PITPNB: variants seen among roughly 807,000 people sequenced by gnomAD.
The protein encoded by PITPNB is phosphatidylinositol transfer protein beta isoform.
A neutral mutation model predicts 45.9 loss-of-function variants in PITPNB; 16 were observed. That is an observed-to-expected ratio of 0.35 (90% CI 0.24 to 0.53). The LOEUF is 0.53. PITPNB is among the 20% of genes least tolerant of loss of function. PITPNB has a pLI of 0.93. For missense variants in PITPNB, 188 were observed against 330.5 expected (o/e 0.57, Z 3.34); for synonymous variants, 112 against 108.9 (o/e 1.03, Z -0.18).
At chr22:27,903,858 C>T (rs1350379452) in intron 3 of PITPNB, among the ~76,000 whole-genome samples, 5 of 146,230 alleles carry the variant, frequency 3.4e-5, no homozygotes, top group Non-Finnish European at 7.5e-5. Context: ...AGAAGATATA[C>T]AAATGACCAA....
Position 27,873,936 on chromosome 22 carries a change from T to A in PITPNB, c.457-121A>T, listed in dbSNP as rs1203744956. 4.6e-6 allele frequency: 3 copies of A among 659,224 alleles called. No homozygotes were observed. In the African/African-American group the frequency reaches 5.4e-5, roughly 12 times the overall value. 40.8% of individuals were successfully genotyped at this position (659,224 alleles called of 1,614,324 possible). On this transcript the variant is annotated intron_variant, in intron 7 of 11. Coordinates refer to ENST00000335272, the MANE Select transcript of PITPNB (RefSeq NM_012399.5). ...CAGAAATCAATTAGACTCACTGTGC[T>A]TTTGCGTAAAAGTAGAAAAATGCTT...
At chr22:27,915,785 G>A (rs1264392466) in intron 1 of PITPNB, among the ~76,000 whole-genome samples, 1 of 152,162 alleles carries the variant, frequency 6.6e-6, no homozygotes, top group African/African-American at 2.4e-5. Flanking sequence ...CATAAAATGA[G>A]GGAGAGGAAG....
intron 7 of PITPNB, among the ~76,000 whole-genome samples, chr22:27,884,524 G>A (rs1477724245): frequency 1.3e-5 from 2 of 152,142 alleles, no homozygotes; most frequent in African/African-American, 2.4e-5. Flanking sequence ...TATGGCACAC[G>A]AGTTTCTAGC....
At chr22:27,889,501 T>C (rs1935213738) in intron 7 of PITPNB, among the ~76,000 whole-genome samples, 1 of 151,866 alleles carries the variant, frequency 6.6e-6, no homozygotes, top group Non-Finnish European at 1.5e-5. Flanking sequence ...GAGCAACGAG[T>C]GTAAGAGGAA....
At chr22:27,867,009 TTAGGTAACCATTTATTTTAG>T (rs1934504534) in intron 8 of PITPNB, among the ~76,000 whole-genome samples, 2 of 152,190 alleles carry the variant, frequency 1.3e-5, no homozygotes, top group South Asian at 4.1e-4. Flanking sequence ...TAAACTTTAT[TTAGGTAACCATTTATTTTAG>T]TAGCCATTTG....
At chr22:27,860,322 TCATAGA>T in intron 8 of PITPNB, 81 bp from the exon 9 acceptor site, 1 of 749,978 alleles carries the variant, frequency 1.3e-6, no homozygotes, top group African/African-American at 1.8e-5. Flanking sequence ...TATAACGACA[TCATAGA>T]CATACATGAA....
intron 6 of PITPNB, among the ~76,000 whole-genome samples, chr22:27,895,825 C>T (rs945452983): frequency 2.0e-5 from 3 of 152,124 alleles, no homozygotes; most frequent in Admixed American, 1.3e-4. Flanking sequence ...GATTCTGGTT[C>T]GGTAGTTCTT....
At chr22:27,897,973 T>C (rs1935481959) in intron 3 of PITPNB, 81 bp from the exon 4 acceptor site, 2 of 969,186 alleles carry the variant, frequency 2.1e-6, no homozygotes, top group South Asian at 1.3e-5. Flanking sequence ...TGAAAGAGTA[T>C]GGCAATCAAA....
chr22:27,918,906 C>G (rs564458018), intron 1 of PITPNB, among the ~76,000 whole-genome samples: 1 of 152,034 alleles, frequency 6.6e-6, no homozygotes, highest in Non-Finnish European at 1.5e-5. Context: ...CTCCCGGCCG[C>G]GCCTTCCCGA....
intron 11 of PITPNB, 149 bp from the exon 12 acceptor site, chr22:27,853,812 A>C (rs1934094516): frequency 2.0e-5 from 13 of 655,742 alleles, no homozygotes; most frequent in Non-Finnish European, 3.3e-5. Flanking sequence ...TCATCTGTTC[A>C]AAAAGATTTT....
intron 2 of PITPNB, among the ~76,000 whole-genome samples, chr22:27,911,870 G>A (rs540566943): frequency 1.3e-5 from 2 of 152,202 alleles, no homozygotes; most frequent in Admixed American, 6.5e-5. Flanking sequence ...TTCATTTAAC[G>A]TGAATCAGAA....
chr22:27,903,806 A>C (rs1318989475), intron 3 of PITPNB, among the ~76,000 whole-genome samples: 1 of 151,936 alleles, frequency 6.6e-6, no homozygotes, highest in East Asian at 1.9e-4. Flanking sequence ...AACTAAAAAG[A>C]AAGTGGGGGT....
intron 3 of PITPNB, among the ~76,000 whole-genome samples, chr22:27,904,699 A>G (rs1935706660): frequency 6.6e-6 from 1 of 152,210 alleles, no homozygotes; most frequent in African/African-American, 2.4e-5. Flanking sequence ...GGCAAGTCTA[A>G]GAGAGAGAAG....
chr22:27,897,259 T>G (rs1935462603), intron 4 of PITPNB, 122 bp from the exon 5 acceptor site: 2 of 769,650 alleles, frequency 2.6e-6, no homozygotes, highest in Admixed American at 3.8e-5. Context: ...AACAGAACAT[T>G]TATTTAGTAA....
chr22:27,854,835 T>C lies in PITPNB; in HGVS notation c.*38+19A>G. ...AGGTACAGGTTTCGAAACATCTTTT[T>C]ACCCAGGTCTTCACTTACACAGTTT... On this transcript the variant is annotated intron_variant, in intron 11 of 11. Coordinates refer to ENST00000335272, the MANE Select transcript of PITPNB (RefSeq NM_012399.5). 1.3e-6 allele frequency: 2 copies of C among 1,528,494 alleles called. No individual in the cohort carries two copies. Among genetic ancestry groups the C allele is most frequent in the Non-Finnish European group, 1.8e-6 (2 of 1,105,850 alleles). The allele number at this position is 1,528,494 out of a possible 1,614,324, so 94.7% of individuals were successfully genotyped here.
intron 7 of PITPNB, among the ~76,000 whole-genome samples, chr22:27,885,923 A>G (rs1030466392): frequency 1.3e-5 from 2 of 152,184 alleles, no homozygotes; most frequent in African/African-American, 4.8e-5. Flanking sequence ...AGGTCCTGGA[A>G]ACAGAAATGA....
At position 27,918,253 on chromosome 22, in the gene PITPNB, G is replaced by T. The variant is rs12170638; in HGVS notation, c.20+919C>A. On this transcript the variant is annotated intron_variant, in intron 1 of 11. Transcript: ENST00000335272. ...GGTTTAAGAACACTAAAAATAAGGT[G>T]TCTGAAAAAAGCTAAATTAAGCCAA... Among the ~76,000 whole-genome samples the T allele has an allele frequency of 6.8e-3, 1,038 of 152,206 alleles. 5 individuals carry two copies. Among genetic ancestry groups the T allele is most frequent in the Non-Finnish European group, 9.8e-3 (668 of 68,008 alleles).
chr22:27,871,725 T>C (rs554454494), intron 8 of PITPNB, among the ~76,000 whole-genome samples: 14 of 152,204 alleles, frequency 9.2e-5, no homozygotes, highest in African/African-American at 2.2e-4. Context: ...CTGGGTAATA[T>C]AGATTGGGAA....
In PITPNB at chr22:27,853,717, A is replaced by G. The variant is rs1223966336; in HGVS notation, c.*39-54T>C. 11 of 1,278,306 alleles carry G rather than the reference A, an allele frequency of 8.6e-6. No homozygotes were observed. The Admixed American group carries it at 2.0e-4, about 23-fold the overall frequency. 79.2% of individuals were successfully genotyped at this position (1,278,306 alleles called of 1,614,324 possible). A position where few individuals can be genotyped will look rare whatever the true frequency, so the allele number is the denominator to read the frequency against. On this transcript the variant is annotated intron_variant, in intron 11 of 11. Transcript: ENST00000335272. ...ATGTGTTAAAATACAGAGACAGGAA[A>G]TGTTAGCAGCTCGTCACACACACTC... is the stretch of plus-strand genomic sequence containing the variant.
Sources: gnomAD v4.1 joint callset for allele counts (sites outside exome capture counted in the v4.1 genomes callset) on GRCh38, gnomAD v4.1.1 for gene constraint, MANE v1.5 for transcripts, NCBI Gene and HGNC (gene_info 2026-07-23, HGNC 2026-07-21) for gene names.